Variants in CDK14 observed in about 807,000 individuals in gnomAD.
CDK14 encodes the protein cyclin dependent kinase 14, also known as cyclin-dependent kinase 14.
Under a neutral mutation model 60.7 loss-of-function variants are expected in CDK14, and 34 were observed. That is an observed-to-expected ratio of 0.56 (90% CI 0.43 to 0.75). The LOEUF is 0.75. Among genes scored for constraint, CDK14 ranks in the 30% least tolerant of loss-of-function variants. The probability of loss-of-function intolerance (pLI) is 0.00; values close to 1 mark genes in which losing one functional copy is unlikely to be tolerated. For missense variants in CDK14, 482 were observed against 564.1 expected, an observed-to-expected ratio of 0.85 and a Z score of 1.47; for synonymous variants, 197 against 203.7, an observed-to-expected ratio of 0.97 and a Z score of 0.28.
At chr7:91,194,755 C>T (rs1007079619) in intron 14 of CDK14, among the ~76,000 whole-genome samples, 3 of 152,180 alleles carry the variant, frequency 2.0e-5, no homozygotes, top group African/African-American at 7.2e-5. Flanking sequence ...GCTTCCCAGT[C>T]ACAGGTGTGG....
intron 14 of CDK14, among the ~76,000 whole-genome samples, chr7:91,136,578 A>G (rs1800285162): frequency 6.6e-6 from 1 of 152,212 alleles, no homozygotes; most frequent in South Asian, 2.1e-4. Context: ...TTTTATATAT[A>G]TAAACATACA....
chr7:90,951,289 A>G (rs1023107089), intron 8 of CDK14, among the ~76,000 whole-genome samples: 6 of 152,096 alleles, frequency 3.9e-5, no homozygotes, highest in Non-Finnish European at 8.8e-5. Context: ...TTTGGGGAGT[A>G]AGGTGTGTTG....
chr7:91,004,443 A>G (rs899304268), intron 10 of CDK14, among the ~76,000 whole-genome samples: 2 of 152,230 alleles, frequency 1.3e-5, no homozygotes, highest in African/African-American at 4.8e-5. Context: ...CAAGTAACCA[A>G]TCTACTGGGG....
At chr7:91,179,772 C>CA (rs892047821) in intron 14 of CDK14, among the ~76,000 whole-genome samples, 50 of 151,374 alleles carry the variant, frequency 3.3e-4, no homozygotes, top group Non-Finnish European at 6.3e-4. Flanking sequence ...CACTGCACTC[C>CA]AGCCTGGGCG....
At chr7:90,973,401 G>A (rs571811758) in intron 9 of CDK14, among the ~76,000 whole-genome samples, 21 of 152,064 alleles carry the variant, frequency 1.4e-4, no homozygotes, top group Middle Eastern at 3.4e-3. Context: ...TAAAGCTCTC[G>A]GTCCTAAGGA....
chr7:90,830,312 C>G lies in CDK14; in HGVS notation c.545-32863C>G, dbSNP rs927611906. Reference sequence around the variant, plus strand: ...CAACACCACATGGAAGCCTCCAAGGCTCCAAGGCTTGCAACCTCTGAAGCA... The same window carrying G: ...CAACACCACATGGAAGCCTCCAAGGGTCCAAGGCTTGCAACCTCTGAAGCA... On this transcript the variant is annotated intron_variant, in intron 5 of 14. Transcript: ENST00000380050. Among the ~76,000 whole-genome samples the G allele has an allele frequency of 6.6e-5, 10 of 152,306 alleles. No homozygotes were observed. The East Asian group carries it at 1.7e-3, about 26-fold the overall frequency.
At chr7:91,143,449 G>T (rs1036349058) in intron 14 of CDK14, among the ~76,000 whole-genome samples, 4 of 152,124 alleles carry the variant, frequency 2.6e-5, no homozygotes, top group Admixed American at 2.6e-4. Flanking sequence ...TGGGTACAGT[G>T]GTTCATGCCT....
At chr7:90,683,107 C>A (rs1801354128) in intron 2 of CDK14, among the ~76,000 whole-genome samples, 1 of 152,138 alleles carries the variant, frequency 6.6e-6, no homozygotes, top group African/African-American at 2.4e-5. Context: ...TAAAATATTT[C>A]CCCTAGAGTT....
intron 6 of CDK14, among the ~76,000 whole-genome samples, chr7:90,887,659 T>C (rs543167430): frequency 6.6e-6 from 1 of 152,208 alleles, no homozygotes; most frequent in African/African-American, 2.4e-5. Flanking sequence ...TTCATGACCA[T>C]GTTTAAGAGT....
At chr7:91,117,279 A>G (rs534315657) in intron 13 of CDK14, among the ~76,000 whole-genome samples, 1 of 151,396 alleles carries the variant, frequency 6.6e-6, no homozygotes. Context: ...CTACCTTCAC[A>G]GTATATCCAG....
intron 10 of CDK14, among the ~76,000 whole-genome samples, chr7:91,010,823 TCCTTCCTTCCTCCCTC>T (rs1796134251): frequency 1.3e-5 from 1 of 75,460 alleles, no homozygotes; most frequent in Non-Finnish European, 3.1e-5. Context: ...CTTCCTTCCT[TCCTTCCTTCCTCCCTC>T]CCTCCCTCCC....
At chr7:90,726,366 A>C (rs1361491630) in intron 2 of CDK14, 1 of 1,318,646 alleles carries the variant, frequency 7.6e-7, no homozygotes, top group Non-Finnish European at 9.9e-7. Flanking sequence ...TGTAAGCTCT[A>C]GTGTGAGATC....
intron 3 of CDK14, among the ~76,000 whole-genome samples, chr7:90,731,127 T>G (rs888414805): frequency 4.1e-5 from 6 of 147,864 alleles, no homozygotes; most frequent in Non-Finnish European, 9.1e-5. Flanking sequence ...TCCTATTGCT[T>G]TGTTTTTGTC....
chr7:91,022,045 G>T (rs1468085713), intron 10 of CDK14, among the ~76,000 whole-genome samples: 4 of 152,186 alleles, frequency 2.6e-5, no homozygotes, highest in Non-Finnish European at 5.9e-5. Context: ...GATGGCTGAG[G>T]AAACAGGATG....
intron 5 of CDK14, among the ~76,000 whole-genome samples, chr7:90,795,510 A>G (rs1229469437): frequency 4.6e-5 from 7 of 151,400 alleles, no homozygotes; most frequent in Admixed American, 4.6e-4. Context: ...GAAATTATGT[A>G]TGTGTATCTT....
intron 2 of CDK14, among the ~76,000 whole-genome samples, chr7:90,608,195 T>A (rs1165073299): frequency 1.3e-5 from 2 of 152,204 alleles, no homozygotes; most frequent in African/African-American, 4.8e-5. Context: ...GACCATGTCC[T>A]TAAGTGGCCC....
chr7:90,749,766 C>T (rs928521107), intron 4 of CDK14, among the ~76,000 whole-genome samples: 2 of 152,166 alleles, frequency 1.3e-5, no homozygotes, highest in African/African-American at 4.8e-5. Flanking sequence ...CATGTTTAGG[C>T]ACACTCTGGG....
intron 11 of CDK14, among the ~76,000 whole-genome samples, chr7:91,066,333 T>C (rs2116153689): frequency 6.6e-6 from 1 of 152,306 alleles, no homozygotes; most frequent in East Asian, 1.9e-4. Context: ...GATCCTTCTA[T>C]GGACCCCCCT....
chr7:90,792,151 C>T (rs911239766), intron 5 of CDK14, among the ~76,000 whole-genome samples: 7 of 151,270 alleles, frequency 4.6e-5, no homozygotes, highest in African/African-American at 1.5e-4. Flanking sequence ...CCACTCACCT[C>T]GGCCTCCCAA....
Sources: gnomAD v4.1 joint callset for allele counts (sites outside exome capture counted in the v4.1 genomes callset) on GRCh38, gnomAD v4.1.1 for gene constraint, MANE v1.5 for transcripts, NCBI Gene and HGNC (gene_info 2026-07-23, HGNC 2026-07-21) for gene names.